Variants in MAU2 observed in about 807,000 individuals in gnomAD.
MAU2 encodes MAU2 sister chromatid cohesion factor.
A neutral mutation model predicts 89.1 loss-of-function variants in MAU2; 9 were observed. That is an observed-to-expected ratio of 0.10 (90% confidence interval 0.06 to 0.18). The LOEUF (loss-of-function observed/expected upper bound fraction) is 0.18, where lower values mean the gene tolerates loss of function less well. MAU2 is among the 10% of genes least tolerant of loss of function. The probability of loss-of-function intolerance (pLI) is 1.00; values close to 1 mark genes in which losing one functional copy is unlikely to be tolerated. For synonymous variants in MAU2, 357 were observed against 343.4 expected (o/e 1.04, Z -0.44); for missense variants, 425 against 803.5 (o/e 0.53, Z 5.69).
At chr19:19,335,018 G>C (rs1763086953) in intron 1 of MAU2, among the ~76,000 whole-genome samples, 1 of 152,328 alleles carries the variant, frequency 6.6e-6, no homozygotes, top group Middle Eastern at 3.4e-3. Flanking sequence ...TGGGTGGTCT[G>C]ATGGGCTGTG....
At chr19:19,344,447 C>T (rs1051102669) in intron 10 of MAU2, 17 of 264,684 alleles carry the variant, frequency 6.4e-5, no homozygotes, top group African/African-American at 3.7e-4. Context: ...GGGCCATGGC[C>T]CAAAAGCTTG....
At chr19:19,347,948 TG>T in intron 13 of MAU2, 1 of 151,300 alleles carries the variant, frequency 6.6e-6, no homozygotes, top group Non-Finnish European at 1.5e-5. Context: ...TCCTCAGCCC[TG>T]GGATCCCCCT....
intron 1 of MAU2, among the ~76,000 whole-genome samples, chr19:19,335,410 T>C (rs1230140997): frequency 6.6e-6 from 1 of 152,168 alleles, no homozygotes; most frequent in Non-Finnish European, 1.5e-5. Context: ...CTGAGCTCTG[T>C]TCCTTTCTGA....
chr19:19,324,621 T>G (rs756560053), intron 1 of MAU2, among the ~76,000 whole-genome samples: 8 of 152,230 alleles, frequency 5.3e-5, no homozygotes, highest in Non-Finnish European at 1.0e-4. Context: ...AATTGCTCGC[T>G]TTACCACTTG....
chr19:19,336,464 T>C (rs924980451), intron 3 of MAU2, among the ~76,000 whole-genome samples: 1 of 152,090 alleles, frequency 6.6e-6, no homozygotes, highest in Admixed American at 6.6e-5. Flanking sequence ...CATGCCTGGC[T>C]AATTTTTTTT....
At chr19:19,334,622 CT>C in intron 1 of MAU2, 2 of 985,064 alleles carry the variant, frequency 2.0e-6, no homozygotes, top group Non-Finnish European at 2.4e-6. Context: ...TTTTCCACCC[CT>C]GACTGAGTCA....
At chr19:19,342,449 A>G in intron 7 of MAU2, 86 bp from the exon 8 acceptor site, 5 of 1,435,128 alleles carry the variant, frequency 3.5e-6, no homozygotes, top group Non-Finnish European at 4.7e-6. Flanking sequence ...GATGCTCCCT[A>G]GAGGAAGGAG....
rs35932608 is a variant in MAU2, at chr19:19,351,837, A to ATTTT, written c.1548+2427_1548+2430dup. 1.4e-4 allele frequency among the ~76,000 whole-genome samples: 8 copies of ATTTT among 58,952 alleles called. 1 individual carries two copies. The East Asian group carries it at 2.6e-3, about 19-fold the overall frequency. The allele number at this position is 58,952 out of a possible 152,430, so 38.7% of individuals were successfully genotyped here. On this transcript the variant is annotated intron_variant, in intron 16 of 18. Coordinates refer to ENST00000262815, the MANE Select transcript of MAU2 (RefSeq NM_015329.4). ...GTTTTGCTTGTCAGCCTGTTTGGTAATTTTTTTTTTTTTTTTTTTTTTTTT... is the reference window on the plus strand; with the variant it reads ...GTTTTGCTTGTCAGCCTGTTTGGTAATTTTTTTTTTTTTTTTTTTTTTTTTTTTT...
chr19:19,325,139 T>A (rs1024113756), intron 1 of MAU2, among the ~76,000 whole-genome samples: 3 of 152,176 alleles, frequency 2.0e-5, no homozygotes, highest in Non-Finnish European at 4.4e-5. Flanking sequence ...GCTCATTCTC[T>A]CTGCTGTTCT....
intron 12 of MAU2, chr19:19,347,047 G>T (rs1294715006): frequency 3.8e-6 from 2 of 519,832 alleles, no homozygotes; most frequent in Non-Finnish European, 6.9e-6. Flanking sequence ...TGGGGTGGCT[G>T]GTTTTCCTCT....
intron 4 of MAU2, 148 bp from the exon 5 acceptor site, chr19:19,338,697 G>A (rs2061616336): frequency 1.6e-6 from 1 of 608,296 alleles, no homozygotes; most frequent in African/African-American, 1.9e-5. Flanking sequence ...GCGTTGATAA[G>A]ATAATTTGGT....
At position 19,356,413 on chromosome 19, in the gene MAU2, C is replaced by A. The variant is rs775151508; in HGVS notation, c.*631C>A. 1.1e-5 allele frequency: 3 copies of A among 267,642 alleles called. No homozygotes were observed. The highest frequency in any genetic ancestry group is 4.4e-5 in the African/African-American group (2 of 44,952). The allele number at this position is 267,642 out of a possible 1,614,324, so 16.6% of individuals were successfully genotyped here. On this transcript the variant is annotated 3_prime_UTR_variant, in exon 19 of 19. Transcript: ENST00000262815. ...AGCTTCCAAACATCTGCACCTTGAC[C>A]GGACTCGCCATCCCGCCGTGGGGGT...
rs79898876 is a variant in MAU2, at chr19:19,345,619, C to T, written c.1221+250C>T. Among the ~76,000 whole-genome samples, 980 of 152,320 alleles carry T rather than the reference C, an allele frequency of 6.4e-3. 10 individuals are homozygous for T. The highest frequency in any genetic ancestry group is 0.023 in the African/African-American group (939 of 41,556). ...GCAGACGTGAGGGAGAGGTGCGACG[C>T]GTCCGGGGACACCACTTTCATGCCT... On this transcript the variant is annotated intron_variant, in intron 12 of 18. Coordinates refer to ENST00000262815, the MANE Select transcript of MAU2 (RefSeq NM_015329.4). This position sits in a 1 kb window ranked among gnomAD's most constrained non-coding sequence, Gnocchi z 4.9.
chr19:19,326,865 C>A (rs983944516), intron 1 of MAU2, among the ~76,000 whole-genome samples: 1 of 150,280 alleles, frequency 6.7e-6, no homozygotes, highest in Admixed American at 6.7e-5. Context: ...GCACTCCACC[C>A]TGGACAACAG....
In MAU2 at chr19:19,347,315, C is replaced by T. The variant is rs1244676923; in HGVS notation, c.1257C>T (p.Val419=). 1.2e-6 allele frequency: 2 copies of T among 1,613,838 alleles called. No individual in the cohort carries two copies. The highest frequency in any genetic ancestry group is 1.7e-6 in the Non-Finnish European group (2 of 1,179,982). ...ACCAGGAGCTGTGGGCCTTCATCGTCACCAACCTGGCGAGTGTGTATATAC... is the reference window on the plus strand; with the variant it reads ...ACCAGGAGCTGTGGGCCTTCATCGTTACCAACCTGGCGAGTGTGTATATAC... The part of the protein sequence containing the change: ...TNHQELWAFI[V]TNLASVYIRE... The change falls in exon 13 of 19, where the codon GTC becomes GTT. Residue 419 remains valine (V), a synonymous_variant. Transcript: ENST00000262815.
chr19:19,348,008 G>A (rs1166237508), intron 13 of MAU2: 1 of 153,070 alleles, frequency 6.5e-6, no homozygotes, highest in Non-Finnish European at 1.4e-5. Flanking sequence ...TCAGCCCTGG[G>A]ATCCCCCTCA....
At chr19:19,335,591 C>T (rs1265037789) in intron 1 of MAU2, 127 bp from the exon 2 acceptor site, 6 of 918,712 alleles carry the variant, frequency 6.5e-6, no homozygotes, top group African/African-American at 1.6e-5. Context: ...AAGCGGGCCG[C>T]CTTCTTGTTA....
chr19:19,328,348 A>G (rs2061528320), intron 1 of MAU2, among the ~76,000 whole-genome samples: 1 of 151,650 alleles, frequency 6.6e-6, no homozygotes, highest in Non-Finnish European at 1.5e-5. Flanking sequence ...TTTTAAGCAG[A>G]CAGATCCATC....
intron 1 of MAU2, among the ~76,000 whole-genome samples, chr19:19,333,871 T>G (rs1322092992): frequency 1.3e-5 from 2 of 152,184 alleles, no homozygotes; most frequent in Non-Finnish European, 2.9e-5. Context: ...CTGCTGCTTG[T>G]GTGTGGCAGT....
Sources: allele counts gnomAD v4.1 joint callset (sites outside exome capture counted in the v4.1 genomes callset), GRCh38; gene constraint gnomAD v4.1.1; non-coding constraint Gnocchi (gnomAD v3.1); transcripts MANE v1.5; gene names NCBI Gene and HGNC (gene_info 2026-07-23, HGNC 2026-07-21).